SVIL: variants seen among roughly 807,000 people sequenced by gnomAD.
The protein encoded by SVIL is supervillin, also known as archvillin.
SVIL carries 101 observed loss-of-function variants against 240.4 expected under a neutral mutation model. The observed-to-expected ratio is 0.42, with a 90% CI of 0.36 to 0.50. The LOEUF is 0.50. SVIL is among the 20% of genes least tolerant of loss of function. The pLI is 0.01. For synonymous variants in SVIL, 999 were observed against 1,100.0 expected, an observed-to-expected ratio of 0.91 and a Z score of 1.82; for missense variants, 2,512 against 2,818.7, an observed-to-expected ratio of 0.89 and a Z score of 2.46.
At chr10:29,730,203 AT>A (rs1428694813) in intron 1 of SVIL, among the ~76,000 whole-genome samples, 1 of 152,178 alleles carries the variant, frequency 6.6e-6, no homozygotes, top group African/African-American at 2.4e-5. Context: ...TAAAAGAAGA[AT>A]AAGATGCTAA....
At chr10:29,604,363 CTTTT>C (rs71525560) in intron 1 of SVIL, among the ~76,000 whole-genome samples, 327 of 38,392 alleles carry the variant, frequency 8.5e-3, no homozygotes, top group Non-Finnish European at 0.016. Flanking sequence ...CCATGTCTGG[CTTTT>C]TTTTTTTTTT....
In SVIL at chr10:29,534,045, T is replaced by TATTC. The variant is rs1470533538; in HGVS notation, c.909-591_909-588dup. Among the ~76,000 whole-genome samples, 3 of 152,254 alleles carry TATTC rather than the reference T, an allele frequency of 2.0e-5. 1 individual carries two copies. The highest frequency in any genetic ancestry group is 4.1e-4 in the South Asian group (2 of 4,834). On this transcript the variant is annotated intron_variant, in intron 7 of 37. Coordinates refer to ENST00000355867, the MANE Select transcript of SVIL (RefSeq NM_021738.3). Reference sequence around the variant, plus strand: ...AAGCTTTTTCATGCAATGCAGAGTATATTCATTCATTCAGAAGGCATGTGG... The same window carrying TATTC: ...AAGCTTTTTCATGCAATGCAGAGTATATTCATTCATTCATTCAGAAGGCATGTGG...
intron 16 of SVIL, among the ~76,000 whole-genome samples, chr10:29,516,569 G>A (rs891066243): frequency 2.6e-5 from 4 of 152,218 alleles, no homozygotes; most frequent in African/African-American, 9.6e-5. Context: ...GGCCTACGCA[G>A]GACATAAATT....
At chr10:29,621,299 G>A (rs148294219) in intron 1 of SVIL, among the ~76,000 whole-genome samples, 194 of 152,328 alleles carry the variant, frequency 1.3e-3, no homozygotes, top group African/African-American at 4.2e-3. Flanking sequence ...AAAGTGCTGC[G>A]GGAAGGCAGG....
chr10:29,680,541 G>C (rs1380852566), intron 2 of SVIL, among the ~76,000 whole-genome samples: 1 of 152,232 alleles, frequency 6.6e-6, no homozygotes, highest in Non-Finnish European at 1.5e-5. Flanking sequence ...TTGCACTTTA[G>C]CCTCAGGGCT....
intron 2 of SVIL, among the ~76,000 whole-genome samples, chr10:29,672,585 A>G (rs1025911109): frequency 2.0e-5 from 3 of 152,336 alleles, no homozygotes; most frequent in East Asian, 1.9e-4. Flanking sequence ...AATTACGCAC[A>G]TAAGTGCCCA....
intron 2 of SVIL, among the ~76,000 whole-genome samples, chr10:29,659,290 G>A (rs1361160163): frequency 6.6e-6 from 1 of 152,162 alleles, no homozygotes; most frequent in African/African-American, 2.4e-5. Context: ...GCTGGTTAGT[G>A]GTTAACAAGC....
At chr10:29,723,115 A>G (rs533611210) in intron 1 of SVIL, among the ~76,000 whole-genome samples, 228 of 152,382 alleles carry the variant, frequency 1.5e-3, no homozygotes, top group African/African-American at 5.1e-3. Flanking sequence ...CATGCCTATA[A>G]TCTCAACACT....
At chr10:29,632,272 C>T (rs534481467) in intron 1 of SVIL, among the ~76,000 whole-genome samples, 26 of 152,222 alleles carry the variant, frequency 1.7e-4, no homozygotes, top group African/African-American at 6.3e-4. Flanking sequence ...TGGTAGATCA[C>T]CTGAGGTCAG....
chr10:29,730,240 T>C (rs1964542046), intron 1 of SVIL, among the ~76,000 whole-genome samples: 1 of 152,172 alleles, frequency 6.6e-6, no homozygotes, highest in Admixed American at 6.5e-5. Flanking sequence ...CAAAGAAATG[T>C]ACTAAGGAAG....
chr10:29,500,164 C>T (rs1425363996), intron 17 of SVIL, among the ~76,000 whole-genome samples: 4 of 151,992 alleles, frequency 2.6e-5, no homozygotes, highest in African/African-American at 4.8e-5. Flanking sequence ...AAGCAGAGGA[C>T]AGGGCTCATG....
chr10:29,507,557 A>AGAAACACAC (rs745544015), intron 17 of SVIL, among the ~76,000 whole-genome samples: 3 of 117,336 alleles, frequency 2.6e-5, no homozygotes, highest in Non-Finnish European at 5.4e-5. Context: ...ATACACACTC[A>AGAAACACAC]TAGATACACA....
rs1173458053 is a variant in SVIL, at chr10:29,499,101, C to T, written c.3664+15G>A. On this transcript the variant is annotated intron_variant, in intron 18 of 37. Coordinates refer to ENST00000355867, the MANE Select transcript of SVIL (RefSeq NM_021738.3). ...ATTGTGCACACACCACACACATGGACACACACACACTGACCTTTCTTCACC... is the reference window on the plus strand; with the variant it reads ...ATTGTGCACACACCACACACATGGATACACACACACTGACCTTTCTTCACC... 3.2e-6 allele frequency: 5 copies of T among 1,584,262 alleles called. No individual in the cohort carries two copies. The highest frequency in any genetic ancestry group is 4.3e-6 in the Non-Finnish European group (5 of 1,175,244).
intron 1 of SVIL, among the ~76,000 whole-genome samples, chr10:29,731,874 T>C (rs913890324): frequency 5.3e-5 from 8 of 152,220 alleles, no homozygotes. Context: ...TTCTCTCCCA[T>C]ATGCGAAGAA....
intron 16 of SVIL, among the ~76,000 whole-genome samples, chr10:29,516,263 G>A (rs1372386742): frequency 6.6e-6 from 1 of 152,132 alleles, no homozygotes; most frequent in African/African-American, 2.4e-5. Context: ...GGGGACTTCC[G>A]AAGACTACAG....
chr10:29,584,745 C>A (rs1956093868), intron 1 of SVIL, among the ~76,000 whole-genome samples: 1 of 152,184 alleles, frequency 6.6e-6, no homozygotes, highest in Non-Finnish European at 1.5e-5. Flanking sequence ...TGGGCCCAGC[C>A]AGGGCATTCT....
chr10:29,575,181 TAC>T (rs1955634879), intron 1 of SVIL: 1 of 152,744 alleles, frequency 6.5e-6, no homozygotes, highest in South Asian at 2.1e-4. Context: ...TGTATACTGA[TAC>T]CACCCAATTG....
At chr10:29,610,806 T>C (rs1370219460) in intron 1 of SVIL, among the ~76,000 whole-genome samples, 3 of 152,156 alleles carry the variant, frequency 2.0e-5, no homozygotes, top group East Asian at 3.9e-4. Context: ...TTTGGGCCTA[T>C]GAAACCTTCC....
rs1004011023 is a variant in SVIL at position 29,641,296 on chromosome 10, C to T, written c.-201+16673G>A. 2.0e-5 allele frequency among the ~76,000 whole-genome samples: 3 copies of T among 151,996 alleles called. No individual in the cohort carries two copies. In the South Asian group the frequency reaches 6.3e-4, roughly 32 times the overall value. ...ATAAAGTTTAAAACAATAGGCTGGG[C>T]GTGGTAGGTCTCGCCTGTAATCCCA... is the stretch of plus-strand genomic sequence containing the variant. On this transcript the variant is annotated intron_variant, in intron 3 of 35. Transcript: ENST00000375400.
Sources: gnomAD v4.1 joint callset for allele counts (sites outside exome capture counted in the v4.1 genomes callset) on GRCh38, gnomAD v4.1.1 for gene constraint, MANE v1.5 for transcripts, NCBI Gene and HGNC (gene_info 2026-07-23, HGNC 2026-07-21) for gene names.